INSR: variants seen among roughly 807,000 people sequenced by gnomAD.
The protein encoded by INSR is IR.
INSR carries 67 observed loss-of-function variants against 142.6 expected under a neutral mutation model. That is an observed-to-expected ratio of 0.47 (90% CI 0.39 to 0.58). The LOEUF is 0.58. INSR is among the 20% of genes least tolerant of loss of function. The pLI, the probability that INSR is intolerant of heterozygous loss-of-function variation, is 0.00. For missense variants in INSR, 1,248 were observed against 1,833.2 expected (o/e 0.68, Z 5.83); for synonymous variants, 756 against 743.1 (o/e 1.02, Z -0.28).
chr19:7,240,967 T>C (rs1281895043), intron 2 of INSR, among the ~76,000 whole-genome samples: 1 of 152,124 alleles, frequency 6.6e-6, no homozygotes, highest in Admixed American at 6.6e-5. Context: ...GCATTTTGAA[T>C]AAGGGATACT....
At position 7,121,547 on chromosome 19, in the gene INSR, GC is replaced by G. The variant is rs988155504; in HGVS notation, c.3530-799del. ...AGTGATGCTGTCACAGCTCACTGCA[GC>G]CTCCACCTCCTGGGCTCAAGCAATC... On this transcript the variant is annotated intron_variant, in intron 19 of 21. Coordinates refer to ENST00000302850, the MANE Select transcript of INSR (RefSeq NM_000208.4). Among the ~76,000 whole-genome samples the G allele has an allele frequency of 1.4e-4, 21 of 152,002 alleles. No homozygotes were observed. The East Asian group carries it at 3.3e-3, about 24-fold the overall frequency.
At position 7,116,496 on chromosome 19, in the gene INSR, A is replaced by G. The variant is rs1972328327; in HGVS notation, c.*560T>C. ...AAAGCAGCAGCTATTGGTCAATTTG[A>G]GGAACTCATTTTGTAAAGAAAAAAA... On this transcript the variant is annotated 3_prime_UTR_variant, in exon 22 of 22. Coordinates refer to ENST00000302850, the MANE Select transcript of INSR (RefSeq NM_000208.4). 6.6e-6 allele frequency: 1 copy of G among 151,714 alleles called. No homozygotes were observed. The highest frequency in any genetic ancestry group is 1.5e-5 in the Non-Finnish European group (1 of 68,080). 9.4% of individuals were successfully genotyped at this position (151,714 alleles called of 1,614,324 possible).
chr19:7,205,712 C>T (rs1278858518), intron 2 of INSR, among the ~76,000 whole-genome samples: 1 of 152,132 alleles, frequency 6.6e-6, no homozygotes, highest in Non-Finnish European at 1.5e-5. Context: ...TCACACCCCC[C>T]ACGCCCATCT....
intron 2 of INSR, among the ~76,000 whole-genome samples, chr19:7,219,813 T>G (rs1010210412): frequency 1.3e-5 from 2 of 152,202 alleles, no homozygotes; most frequent in African/African-American, 4.8e-5. Context: ...TCCCTTTCCT[T>G]TTCGCAGTCC....
rs544989077 is a variant in INSR, at chr19:7,158,398, G to A, written c.2029+4634C>T. On this transcript the variant is annotated intron_variant, in intron 9 of 21. Transcript: ENST00000302850. ...CGCCTGTAGTCCCAGCTACTCGGGAGGCTGACGCAGGAGAATGGCGTGAAC... is the reference window on the plus strand; with the variant it reads ...CGCCTGTAGTCCCAGCTACTCGGGAAGCTGACGCAGGAGAATGGCGTGAAC... 1.4e-3 allele frequency among the ~76,000 whole-genome samples: 218 copies of A among 152,278 alleles called. 1 individual carries two copies. The highest frequency in any genetic ancestry group is 5.0e-3 in the African/African-American group (207 of 41,552).
Position 7,113,529 on chromosome 19 carries a change from C to T in INSR, c.*3527G>A, listed in dbSNP as rs1972253359. On this transcript the variant is annotated 3_prime_UTR_variant, in exon 22 of 22. Transcript: ENST00000302850. The stretch of plus-strand genomic sequence containing the variant: ...GAGAAAGTGATGTGCTTGGTATTCT[C>T]CTCCTGGAAGAAGGAACTCCTGTGT... 1 of 152,196 alleles carries T rather than the reference C, an allele frequency of 6.6e-6. No homozygotes were observed. Among genetic ancestry groups the T allele is most frequent in the Admixed American group, 6.5e-5 (1 of 15,282 alleles). 9.4% of individuals were successfully genotyped at this position (152,196 alleles called of 1,614,324 possible). A position where few individuals can be genotyped will look rare whatever the true frequency, so the allele number is the denominator to read the frequency against.
intron 14 of INSR, among the ~76,000 whole-genome samples, chr19:7,130,113 C>T (rs537664959): frequency 1.3e-5 from 2 of 152,250 alleles, no homozygotes; most frequent in Non-Finnish European, 1.5e-5. Context: ...ATTAAAATGT[C>T]CCTCCACCTC....
At chr19:7,180,871 ATTCTGTC>A (rs2144977676) in intron 3 of INSR, among the ~76,000 whole-genome samples, 1 of 152,020 alleles carries the variant, frequency 6.6e-6, no homozygotes, top group Non-Finnish European at 1.5e-5. Flanking sequence ...AGGAGTTTGG[ATTCTGTC>A]CATTGGTCTT....
At position 7,150,658 on chromosome 19, in the gene INSR, G is replaced by C; in HGVS notation, c.2232-126C>G. ...CCCTGGCTTTGACCCTGGACCACTC[G>C]CTCCCATCACTTGCTAGACGGAGTG... On this transcript the variant is annotated intron_variant, in intron 10 of 21. Coordinates refer to ENST00000302850, the MANE Select transcript of INSR (RefSeq NM_000208.4). The surrounding 1 kb of genome is among the most constrained non-coding windows in gnomAD (Gnocchi z 4.2). 1 of 824,976 alleles carries C rather than the reference G, an allele frequency of 1.2e-6. No homozygotes were observed. Among genetic ancestry groups the C allele is most frequent in the Non-Finnish European group, 2.1e-6 (1 of 481,686 alleles). The allele number at this position is 824,976 out of a possible 1,614,324, so 51.1% of individuals were successfully genotyped here.
chr19:7,269,453 C>A lies in INSR; in HGVS notation c.101-1557G>T, dbSNP rs188511820. Among the ~76,000 whole-genome samples the A allele has an allele frequency of 1.9e-3, 284 of 151,046 alleles. 1 individual carries two copies. Among genetic ancestry groups the A allele is most frequent in the Non-Finnish European group, 3.2e-3 (218 of 67,868 alleles). ...TGCTTGCTAGGAAGTTGGAGGAAAG[C>A]CCCAGTACACAACTATGGATTAATC... On this transcript the variant is annotated intron_variant, in intron 1 of 21. Transcript: ENST00000302850.
intron 2 of INSR, 152 bp from the exon 3 acceptor site, chr19:7,184,789 G>T (rs1974385318): frequency 2.0e-6 from 1 of 496,306 alleles, no homozygotes; most frequent in East Asian, 3.8e-5. Flanking sequence ...AGTAAAAGCG[G>T]CACGTCTACA....
intron 2 of INSR, among the ~76,000 whole-genome samples, chr19:7,232,986 G>A (rs1188083725): frequency 1.3e-5 from 2 of 152,014 alleles, no homozygotes; most frequent in Non-Finnish European, 2.9e-5. Context: ...TGTTGGGTTT[G>A]GTTTTGGTGT....
At chr19:7,222,787 GCTTC>G (rs1200816730) in intron 2 of INSR, among the ~76,000 whole-genome samples, 2 of 152,156 alleles carry the variant, frequency 1.3e-5, no homozygotes, top group Non-Finnish European at 2.9e-5. Flanking sequence ...AGGTAACTAC[GCTTC>G]CTTAGAGGAA....
intron 1 of INSR, among the ~76,000 whole-genome samples, chr19:7,287,159 CTTTTTTTT>C (rs34457204): frequency 1.0e-4 from 13 of 129,158 alleles, no homozygotes; most frequent in Admixed American, 9.8e-4. Flanking sequence ...CAAAAATATT[CTTTTTTTT>C]TTTTTTTTTT....
chr19:7,252,929 C>T lies in INSR; in HGVS notation c.652+14416G>A, dbSNP rs912894263. Among the ~76,000 whole-genome samples, 3 of 152,098 alleles carry T rather than the reference C, an allele frequency of 2.0e-5. No homozygotes were observed. The South Asian group carries it at 6.2e-4, about 32-fold the overall frequency. On this transcript the variant is annotated intron_variant, in intron 2 of 21. Transcript: ENST00000302850. ...AAGAGATTGAGACCATCCTGGCCAACATGGTGAAACCCTGTCTCTACTAAA... is the reference window on the plus strand; with the variant it reads ...AAGAGATTGAGACCATCCTGGCCAATATGGTGAAACCCTGTCTCTACTAAA...
At chr19:7,224,316 G>GT (rs1338789442) in intron 2 of INSR, among the ~76,000 whole-genome samples, 1 of 148,886 alleles carries the variant, frequency 6.7e-6, no homozygotes, top group African/African-American at 2.5e-5. Context: ...CTCCGTTTCA[G>GT]TCTTTCTCCC....
intron 2 of INSR, among the ~76,000 whole-genome samples, chr19:7,253,170 C>T (rs1976784452): frequency 1.3e-5 from 2 of 151,488 alleles, no homozygotes; most frequent in Non-Finnish European, 2.9e-5. Flanking sequence ...TAGGTAGGTA[C>T]TTGACAATGG....
rs1274894564 is a variant in INSR, at chr19:7,216,301, G to A, written c.653-31664C>T. 6.6e-6 allele frequency among the ~76,000 whole-genome samples: 1 copy of A among 152,214 alleles called. No individual in the cohort carries two copies. ...ATCGTGCCATTGCACTCCAGCCTGG[G>A]CAAGAGAGCAAGACTCTGTCTCAAA... On this transcript the variant is annotated intron_variant, in intron 2 of 21. Transcript: ENST00000302850. This position sits in a 1 kb window ranked among gnomAD's most constrained non-coding sequence, Gnocchi z 4.2.
In INSR at chr19:7,117,044, C is replaced by T. The variant is rs375751275; in HGVS notation, c.*12G>A. ...TGGGAACCCCTGCCCGCCCCCGCCACGGTAGGCACTGTTAGGAAGGATTGG... is the reference window on the plus strand; with the variant it reads ...TGGGAACCCCTGCCCGCCCCCGCCATGGTAGGCACTGTTAGGAAGGATTGG... On this transcript the variant is annotated 3_prime_UTR_variant, in exon 22 of 22. Transcript: ENST00000302850. 70 of 1,609,086 alleles carry T rather than the reference C, an allele frequency of 4.4e-5. No individual in the cohort carries two copies. Among genetic ancestry groups the T allele is most frequent in the South Asian group, 1.4e-4 (13 of 91,000 alleles).
Sources: allele counts gnomAD v4.1 joint callset (sites outside exome capture counted in the v4.1 genomes callset), GRCh38; gene constraint gnomAD v4.1.1; non-coding constraint Gnocchi (gnomAD v3.1); transcripts MANE v1.5; gene names NCBI Gene and HGNC (gene_info 2026-07-23, HGNC 2026-07-21).